Variants in PRCP observed in about 807,000 individuals in gnomAD.
PRCP encodes the protein prolylcarboxypeptidase, also known as lysosomal Pro-X carboxypeptidase.
Under a neutral mutation model 54.2 loss-of-function variants are expected in PRCP, and 46 were observed. That is an observed-to-expected ratio of 0.85 (90% confidence interval 0.67 to 1.09). The LOEUF is 1.09. PRCP is among the 50% of genes least tolerant of loss of function. The pLI is 0.00. For synonymous variants in PRCP, 240 were observed against 212.2 expected (o/e 1.13, Z -1.14); for missense variants, 613 against 596.8 (o/e 1.03, Z -0.28).
upstream of PRCP, chr11:82,901,003 T>C: frequency 2.5e-6 from 1 of 396,078 alleles, no homozygotes; most frequent in South Asian, 1.8e-5. Context: ...TATTCCCATC[T>C]ACAGATGTGG....
At position 82,900,307 on chromosome 11, in the gene PRCP, T is replaced by C. The variant is rs769695554; in HGVS notation, c.96A>G (p.Leu32=). 2.5e-6 allele frequency: 4 copies of C among 1,614,212 alleles called. No homozygotes were observed. The South Asian group carries it at 3.3e-5, about 13-fold the overall frequency. ...GGGATGTGGGGTTGGTTGGCAAGTG[T>C]AGGCTGCCGAGGGCCCTTAAGGCCG... is the stretch of plus-strand genomic sequence containing the variant. The part of the protein sequence containing the change: ...LRPALRALGS[L]HLPTNPTSLP... The change falls in exon 1 of 9, where the codon CTA becomes CTG. Residue 32 remains leucine, a synonymous_variant. Transcript: ENST00000313010.
chr11:82,882,178 G>C (rs539407564), intron 1 of PRCP, among the ~76,000 whole-genome samples: 1 of 152,052 alleles, frequency 6.6e-6, no homozygotes. Flanking sequence ...GGCAGAGGCA[G>C]AAGAAGTGGA....
chr11:82,879,685 T>C (rs1859699704), intron 1 of PRCP, among the ~76,000 whole-genome samples: 1 of 152,232 alleles, frequency 6.6e-6, no homozygotes, highest in Non-Finnish European at 1.5e-5. Flanking sequence ...CCTTTGGTCT[T>C]TGATGATGGT....
chr11:82,864,868 G>C (rs1432084983), intron 1 of PRCP, among the ~76,000 whole-genome samples: 1 of 151,956 alleles, frequency 6.6e-6, no homozygotes, highest in East Asian at 1.9e-4. Flanking sequence ...TTGTATAAAA[G>C]TAATTATTTG....
intron 1 of PRCP, among the ~76,000 whole-genome samples, chr11:82,893,075 G>A (rs1441107074): frequency 6.6e-6 from 1 of 152,198 alleles, no homozygotes; most frequent in African/African-American, 2.4e-5. Context: ...CTGTGATTGG[G>A]TACAGTCATT....
At chr11:82,861,163 T>C (rs1158254907) in intron 1 of PRCP, among the ~76,000 whole-genome samples, 1 of 152,148 alleles carries the variant, frequency 6.6e-6, no homozygotes, top group Non-Finnish European at 1.5e-5. Flanking sequence ...TACTCTGAAA[T>C]TGGGAATTAA....
At chr11:82,842,123 T>C (rs998745918) in intron 6 of PRCP, among the ~76,000 whole-genome samples, 6 of 152,108 alleles carry the variant, frequency 3.9e-5, no homozygotes, top group Non-Finnish European at 8.8e-5. Context: ...AGCAAGTGAG[T>C]GTGACTCACA....
chr11:82,875,773 C>A (rs960079104), intron 1 of PRCP, among the ~76,000 whole-genome samples: 54 of 152,160 alleles, frequency 3.5e-4, no homozygotes, highest in African/African-American at 1.2e-3. Flanking sequence ...CACAACCCAA[C>A]TAACCAGTGG....
chr11:82,884,327 G>A (rs1859817945), intron 1 of PRCP, among the ~76,000 whole-genome samples: 1 of 152,172 alleles, frequency 6.6e-6, no homozygotes, highest in South Asian at 2.1e-4. Context: ...GGGAGGCTGA[G>A]TAGGAGGATC....
intron 1 of PRCP, among the ~76,000 whole-genome samples, chr11:82,891,093 C>A (rs1320011531): frequency 6.6e-6 from 1 of 152,180 alleles, no homozygotes; most frequent in Non-Finnish European, 1.5e-5. Context: ...ATTCTTGACA[C>A]AATACCATTT....
At chr11:82,837,135 G>C (rs2121089462) in intron 8 of PRCP, 1 of 215,368 alleles carries the variant, frequency 4.6e-6, no homozygotes, top group African/African-American at 2.3e-5. Context: ...ATTTCTTACA[G>C]TGTGAAAGTT....
At chr11:82,883,645 T>C (rs2121248840) in intron 1 of PRCP, among the ~76,000 whole-genome samples, 1 of 152,208 alleles carries the variant, frequency 6.6e-6, no homozygotes, top group East Asian at 1.9e-4. Context: ...AATTTAAAAA[T>C]AAAGCACGTA....
intron 6 of PRCP, among the ~76,000 whole-genome samples, chr11:82,841,996 G>A (rs113946018): frequency 0.01 from 1,533 of 152,278 alleles, 28 homozygotes; most frequent in African/African-American, 0.034. Flanking sequence ...GCAGAGAAGC[G>A]CCTTATGTTC....
rs776887339 is a variant in PRCP at position 82,839,224 on chromosome 11, AAAGT to A, written c.1086+33_1086+36del. On this transcript the variant is annotated intron_variant, in intron 7 of 8. Transcript: ENST00000313010. ...TTTTACAGCACAACTGTGTCAGTGA[AAAGT>A]AAGTTCCACTTGGGGAAATTATACA... 6.9e-6 allele frequency: 11 copies of A among 1,587,810 alleles called. No individual in the cohort carries two copies. The East Asian group carries it at 2.0e-4, about 29-fold the overall frequency.
At chr11:82,898,422 C>T (rs1231581154) in intron 1 of PRCP, among the ~76,000 whole-genome samples, 1 of 152,220 alleles carries the variant, frequency 6.6e-6, no homozygotes, top group Non-Finnish European at 1.5e-5. Context: ...CTCTTTTCTG[C>T]TGATAGTTCT....
Position 82,897,550 on chromosome 11 carries a change from C to T in PRCP, c.168+2685G>A, listed in dbSNP as rs146787400. On this transcript the variant is annotated intron_variant, in intron 1 of 8. Transcript: ENST00000313010. ...TCGCAGAAGAGGTGAGACATTTCTGCTGGAATAGAATTATGAGTTTAAATA... is the reference window on the plus strand; with the variant it reads ...TCGCAGAAGAGGTGAGACATTTCTGTTGGAATAGAATTATGAGTTTAAATA... Among the ~76,000 whole-genome samples the T allele has an allele frequency of 4.7e-4, 71 of 152,300 alleles. 1 individual carries two copies. Among genetic ancestry groups the T allele is most frequent in the African/African-American group, 1.6e-3 (65 of 41,564 alleles).
At chr11:82,874,831 C>T (rs1056246488) in intron 1 of PRCP, among the ~76,000 whole-genome samples, 3 of 151,900 alleles carry the variant, frequency 2.0e-5, no homozygotes, top group African/African-American at 7.3e-5. Context: ...GCCTTTAATC[C>T]ACACAGCCGT....
At chr11:82,855,484 T>A (rs1448356460) in intron 2 of PRCP, among the ~76,000 whole-genome samples, 1 of 152,024 alleles carries the variant, frequency 6.6e-6, no homozygotes, top group East Asian at 1.9e-4. Context: ...CCGGGCGTGG[T>A]GGCGGGCACC....
At chr11:82,849,838 A>G in intron 5 of PRCP, 76 bp downstream of exon 5, 1 of 1,246,476 alleles carries the variant, frequency 8.0e-7, no homozygotes. Context: ...TGTTTACTTA[A>G]AAAGCGACAA....
Sources: gnomAD v4.1 joint callset for allele counts (sites outside exome capture counted in the v4.1 genomes callset) on GRCh38, gnomAD v4.1.1 for gene constraint, MANE v1.5 for transcripts, NCBI Gene and HGNC (gene_info 2026-07-23, HGNC 2026-07-21) for gene names.